The following GALNT14 variants were observed in gnomAD, a reference collection of about 807,000 sequenced individuals.
The protein encoded by GALNT14 is polypeptide N-acetylgalactosaminyltransferase 14, also known as UDP-GalNAc:polypeptide N-acetylgalactosaminyltransferase 14.
Under a neutral mutation model 77.5 loss-of-function variants are expected in GALNT14, and 60 were observed. The observed-to-expected ratio is 0.77, with a 90% CI of 0.63 to 0.96. The LOEUF (loss-of-function observed/expected upper bound fraction) is 0.96. GALNT14 is among the 40% of genes least tolerant of loss of function. The pLI, the probability that GALNT14 is intolerant of heterozygous loss-of-function variation, is 0.00. For missense variants in GALNT14, 710 were observed against 731.0 expected (o/e 0.97, Z 0.33); for synonymous variants, 280 against 281.7 (o/e 0.99, Z 0.06).
chr2:30,956,675 T>G (rs1364523959), intron 4 of GALNT14, among the ~76,000 whole-genome samples: 1 of 152,024 alleles, frequency 6.6e-6, no homozygotes, highest in African/African-American at 2.4e-5. Flanking sequence ...CCTGGCTAAT[T>G]TATGTATTTG....
chr2:31,040,320 C>A (rs1179592773), intron 1 of GALNT14, among the ~76,000 whole-genome samples: 1 of 152,126 alleles, frequency 6.6e-6, no homozygotes, highest in Non-Finnish European at 1.5e-5. Flanking sequence ...TATGTCCTAG[C>A]CTCAGAGGTT....
chr2:31,032,583 G>A (rs180752433), intron 1 of GALNT14, among the ~76,000 whole-genome samples: 35 of 152,304 alleles, frequency 2.3e-4, no homozygotes, highest in African/African-American at 7.9e-4. Context: ...TGACTGAGCA[G>A]CCCAGAGGTC....
intron 1 of GALNT14, among the ~76,000 whole-genome samples, chr2:31,062,385 A>T (rs1316504020): frequency 6.6e-6 from 1 of 152,204 alleles, no homozygotes; most frequent in Non-Finnish European, 1.5e-5. Flanking sequence ...TACAAAGAAC[A>T]TGAGCTTATT....
intron 1 of GALNT14, among the ~76,000 whole-genome samples, chr2:31,008,882 G>T (rs1670844331): frequency 6.6e-6 from 1 of 152,208 alleles, no homozygotes; most frequent in Non-Finnish European, 1.5e-5. Context: ...TCCCTGCACG[G>T]GTGGCCGGGG....
chr2:31,078,854 C>T (rs113158625), intron 1 of GALNT14: 4 of 1,217,770 alleles, frequency 3.3e-6, no homozygotes, highest in Non-Finnish European at 4.3e-6. Context: ...AACCCAGGCA[C>T]AGGAGAGCAG....
intron 1 of GALNT14, among the ~76,000 whole-genome samples, chr2:31,058,509 G>A (rs893241690): frequency 4.6e-5 from 7 of 152,216 alleles, no homozygotes; most frequent in African/African-American, 1.7e-4. Context: ...GTCTTTGGGT[G>A]GACTAAGGAC....
At chr2:31,061,727 C>A (rs184071763) in intron 1 of GALNT14, among the ~76,000 whole-genome samples, 5 of 152,318 alleles carry the variant, frequency 3.3e-5, no homozygotes, top group Admixed American at 2.6e-4. Flanking sequence ...GTAGGCTCAG[C>A]AATGCCTGCA....
At chr2:31,030,518 C>T (rs1419663423) in intron 1 of GALNT14, among the ~76,000 whole-genome samples, 1 of 152,190 alleles carries the variant, frequency 6.6e-6, no homozygotes, top group South Asian at 2.1e-4. Context: ...GAGACTGTCA[C>T]GCATGGTCTC....
intron 1 of GALNT14, among the ~76,000 whole-genome samples, chr2:31,073,717 G>A (rs1675575382): frequency 6.6e-6 from 1 of 152,198 alleles, no homozygotes; most frequent in South Asian, 2.1e-4. Context: ...TGGAGTCCTT[G>A]ATGAGGACTA....
the GALNT14 span, among the ~76,000 whole-genome samples, chr2:30,891,879 T>C: frequency 1.3e-5 from 2 of 152,278 alleles, no homozygotes; most frequent in Admixed American, 1.3e-4. Flanking sequence ...AAAAATGTGG[T>C]TTCTGCAATG....
chr2:30,918,542 C>T (rs1050420461), intron 13 of GALNT14, among the ~76,000 whole-genome samples: 12 of 152,230 alleles, frequency 7.9e-5, no homozygotes, highest in Admixed American at 7.2e-4. Context: ...CCTTTGGAAT[C>T]CTGCCCAGGA....
At chr2:30,906,766 G>A (rs184996085), downstream of GALNT14, among the ~76,000 whole-genome samples, 4,060 of 152,092 alleles carry the variant, frequency 0.027, 184 homozygotes, top group African/African-American at 0.091. Flanking sequence ...ATTTTTTTCA[G>A]CACCACACCA....
chr2:31,130,402 C>A (rs1447784194), intron 1 of GALNT14, among the ~76,000 whole-genome samples: 1 of 152,208 alleles, frequency 6.6e-6, no homozygotes, highest in Non-Finnish European at 1.5e-5. Flanking sequence ...CCAGCCACCA[C>A]TGGAGCCCTG....
At chr2:30,932,803 T>C (rs1665820955) in intron 9 of GALNT14, among the ~76,000 whole-genome samples, 1 of 152,196 alleles carries the variant, frequency 6.6e-6, no homozygotes, top group African/African-American at 2.4e-5. Context: ...ATTCTACCAC[T>C]GGGGAAGAGC....
chr2:30,989,682 AAT>A (rs1669566312), intron 2 of GALNT14, among the ~76,000 whole-genome samples: 2 of 115,312 alleles, frequency 1.7e-5, no homozygotes, highest in East Asian at 2.3e-4. Flanking sequence ...ATATATAAAA[AAT>A]ATATATTAGT....
chr2:31,056,436 G>A lies in GALNT14; in HGVS notation c.130-63429C>T, dbSNP rs56384258. Among the ~76,000 whole-genome samples the A allele has an allele frequency of 8.8e-3, 1,333 of 152,310 alleles. 6 individuals are homozygous for A. The highest frequency in any genetic ancestry group is 0.013 in the Non-Finnish European group (903 of 68,028). ...AACCATCTCAGGCGTACTCCTGGAG[G>A]TTGGTCCAAGATCCTCAGCCTCAGG... On this transcript the variant is annotated intron_variant, in intron 1 of 14. Coordinates refer to ENST00000349752, the MANE Select transcript of GALNT14 (RefSeq NM_024572.4).
intron 2 of GALNT14, among the ~76,000 whole-genome samples, chr2:30,987,356 G>A (rs144497756): frequency 1.1e-3 from 161 of 152,226 alleles, no homozygotes; most frequent in African/African-American, 3.6e-3. Flanking sequence ...GAGCCATACT[G>A]GATGTAGCAT....
intron 1 of GALNT14, among the ~76,000 whole-genome samples, chr2:31,082,048 G>A (rs1676181152): frequency 6.6e-6 from 1 of 152,204 alleles, no homozygotes; most frequent in Non-Finnish European, 1.5e-5. Flanking sequence ...AGGGAGCAGA[G>A]GCTCCTACAA....
At chr2:30,942,345 G>A (rs955051315) in intron 8 of GALNT14, 41 bp from the exon 9 acceptor site, 2 of 1,468,626 alleles carry the variant, frequency 1.4e-6, no homozygotes, top group Non-Finnish European at 1.9e-6. Context: ...CAGTTCTAGT[G>A]GGGAGATCAC....
Sources: gnomAD v4.1 joint callset for allele counts (sites outside exome capture counted in the v4.1 genomes callset) on GRCh38, gnomAD v4.1.1 for gene constraint, MANE v1.5 for transcripts, NCBI Gene and HGNC (gene_info 2026-07-23, HGNC 2026-07-21) for gene names.